Variants in GDAP1 observed in about 807,000 individuals in gnomAD.
GDAP1 encodes the protein ganglioside-induced differentiation-associated protein 1.
A neutral mutation model predicts 40.1 loss-of-function variants in GDAP1; 34 were observed. That is an observed-to-expected ratio of 0.85 (90% CI 0.64 to 1.13). GDAP1 has a LOEUF of 1.13. Among genes scored for constraint, GDAP1 ranks in the 50% most tolerant of loss-of-function variants. The pLI, the probability that GDAP1 is intolerant of heterozygous loss-of-function variation, is 0.00. For synonymous variants in GDAP1, 170 were observed against 157.4 expected (o/e 1.08, Z -0.60); for missense variants, 374 against 433.7 (o/e 0.86, Z 1.22).
At chr8:74,395,863 A>G (rs963197632) in intron 2 of GDAP1, among the ~76,000 whole-genome samples, 2 of 152,220 alleles carry the variant, frequency 1.3e-5, no homozygotes, top group Non-Finnish European at 2.9e-5. Context: ...TTACAGTAAG[A>G]TGGAAAAATG....
chr8:74,352,032 T>G (rs1808900717), intron 2 of GDAP1, among the ~76,000 whole-genome samples: 1 of 152,234 alleles, frequency 6.6e-6, no homozygotes, highest in African/African-American at 2.4e-5. Context: ...ATTTTATAAT[T>G]TCTTCAATAA....
At chr8:74,415,507 G>C (rs529188825) in intron 2 of GDAP1, among the ~76,000 whole-genome samples, 12 of 150,078 alleles carry the variant, frequency 8.0e-5, no homozygotes, top group Non-Finnish European at 2.9e-5. Flanking sequence ...GTGGTGGGCT[G>C]CCACCTACAT....
At chr8:74,458,030 C>T (rs913829775) in intron 2 of GDAP1, among the ~76,000 whole-genome samples, 29 of 151,934 alleles carry the variant, frequency 1.9e-4, no homozygotes, top group African/African-American at 6.5e-4. Context: ...AACTGTTCAC[C>T]GTCCCTAAAT....
chr8:74,366,423 A>G lies in GDAP1; in HGVS notation c.*2056A>G, dbSNP rs1563447608. ...TTCATCAGATTATTCTTCTGTTTTA[A>G]AAAAAAGCTTGAGGCAAATGTGAGT... is the stretch of plus-strand genomic sequence containing the variant. On this transcript the variant is annotated 3_prime_UTR_variant, in exon 6 of 6. Transcript: ENST00000220822. 1 of 454,468 alleles carries G rather than the reference A, an allele frequency of 2.2e-6. No homozygotes were observed. Among genetic ancestry groups the G allele is most frequent in the African/African-American group, 2.0e-5 (1 of 50,120 alleles). 28.2% of individuals were successfully genotyped at this position (454,468 alleles called of 1,614,324 possible).
chr8:74,402,214 G>T (rs1810356039), intron 2 of GDAP1, among the ~76,000 whole-genome samples: 1 of 150,482 alleles, frequency 6.6e-6, no homozygotes, highest in African/African-American at 2.5e-5. Flanking sequence ...CACCCAATTG[G>T]AGCTTCCCGG....
Position 74,364,613 on chromosome 8 carries a change from T to G in GDAP1, c.*246T>G, listed in dbSNP as rs1563445740. Reference sequence around the variant, plus strand: ...GATAAGAGAAGGAAAAATGAGAGAATGAAGTCTGTATAGGGTAGAGCAATA... The same window carrying G: ...GATAAGAGAAGGAAAAATGAGAGAAGGAAGTCTGTATAGGGTAGAGCAATA... On this transcript the variant is annotated 3_prime_UTR_variant, in exon 6 of 6. Transcript: ENST00000220822. The G allele has an allele frequency of 1.6e-6, 1 of 626,340 alleles. No homozygotes were observed. The highest frequency in any genetic ancestry group is 1.8e-5 in the African/African-American group (1 of 55,686). The allele number at this position is 626,340 out of a possible 1,614,324, so 38.8% of individuals were successfully genotyped here.
rs779164733 is a variant in GDAP1 at position 74,364,972 on chromosome 8, A to T, written c.*605A>T. ...AGTGATATTAAGATGATTCCTTACC[A>T]TTTCAGATGGTCCGCAATTTGAATT... On this transcript the variant is annotated 3_prime_UTR_variant, in exon 6 of 6. Coordinates refer to ENST00000220822, the MANE Select transcript of GDAP1 (RefSeq NM_018972.4). 1 of 453,970 alleles carries T rather than the reference A, an allele frequency of 2.2e-6. No individual in the cohort carries two copies. The highest frequency in any genetic ancestry group is 6.9e-5 in the East Asian group (1 of 14,404). The allele number at this position is 453,970 out of a possible 1,614,324, so 28.1% of individuals were successfully genotyped here. A position where few individuals can be genotyped will look rare whatever the true frequency, so the allele number is the denominator to read the frequency against.
intron 2 of GDAP1, 65 bp downstream of exon 2, chr8:74,351,531 C>A: frequency 8.8e-7 from 1 of 1,132,318 alleles, no homozygotes; most frequent in Non-Finnish European, 1.3e-6. Context: ...TTCCCTTTCT[C>A]TTTTTCTCTC....
chr8:74,472,325 TC>T (rs1406520146), intron 2 of GDAP1, among the ~76,000 whole-genome samples: 1 of 152,266 alleles, frequency 6.6e-6, no homozygotes, highest in Non-Finnish European at 1.5e-5. Flanking sequence ...ATTTTCTTTA[TC>T]CAATCTACCT....
intron 3 of GDAP1, among the ~76,000 whole-genome samples, chr8:74,361,554 G>A (rs1415434040): frequency 1.3e-5 from 2 of 152,006 alleles, no homozygotes; most frequent in Non-Finnish European, 2.9e-5. Flanking sequence ...GCGCCACCAC[G>A]CCCAGACAAT....
rs1265013911 is a variant in GDAP1, at chr8:74,364,660, C to T, written c.*293C>T. 1.9e-6 allele frequency: 1 copy of T among 525,570 alleles called. No individual in the cohort carries two copies. The highest frequency in any genetic ancestry group is 3.6e-6 in the Non-Finnish European group (1 of 274,220). The allele number at this position is 525,570 out of a possible 1,614,324, so 32.6% of individuals were successfully genotyped here. ...AATAGAAAGTAAGCTTCGGGTGCCT[C>T]CAACGTTCATGGCTGCCTGTCTCAT... On this transcript the variant is annotated 3_prime_UTR_variant, in exon 6 of 6. Transcript: ENST00000220822.
In GDAP1 at chr8:74,451,113, C is replaced by T. The variant is rs1806293689; in HGVS notation, c.166-37565C>T. Among the ~76,000 whole-genome samples the T allele has an allele frequency of 4.8e-5, 4 of 82,850 alleles. 2 individuals are homozygous for T. The highest frequency in any genetic ancestry group is 9.8e-5 in the Non-Finnish European group (4 of 41,020). 54.4% of individuals were successfully genotyped at this position (82,850 alleles called of 152,430 possible). ...ATATCTACATCTGTTACACACAAATCTTAAATGTTGTAAGTTTATGCAAAT... is the reference window on the plus strand; with the variant it reads ...ATATCTACATCTGTTACACACAAATTTTAAATGTTGTAAGTTTATGCAAAT... On this transcript the variant is annotated intron_variant, in intron 2 of 2. Transcript: ENST00000523640.
chr8:74,422,213 CTTCT>C (rs1446722083), intron 2 of GDAP1, among the ~76,000 whole-genome samples: 122 of 144,088 alleles, frequency 8.5e-4, no homozygotes, highest in African/African-American at 3.0e-3. Context: ...CTTTCTCTCT[CTTCT>C]TTCTTTCCCT....
In GDAP1 at chr8:74,365,054, C is replaced by T; in HGVS notation, c.*687C>T. 2.2e-6 allele frequency: 1 copy of T among 454,004 alleles called. No homozygotes were observed. The highest frequency in any genetic ancestry group is 4.4e-6 in the Non-Finnish European group (1 of 226,730). 28.1% of individuals were successfully genotyped at this position (454,004 alleles called of 1,614,324 possible). On this transcript the variant is annotated 3_prime_UTR_variant, in exon 6 of 6. Coordinates refer to ENST00000220822, the MANE Select transcript of GDAP1 (RefSeq NM_018972.4). ...ATGGTGCCTGTGAGATACCATTCCT[C>T]TGGATGGTCATGTCCAGTCAGTGGG...
At chr8:74,459,958 A>G (rs1181550154) in intron 2 of GDAP1, among the ~76,000 whole-genome samples, 3 of 152,232 alleles carry the variant, frequency 2.0e-5, no homozygotes, top group African/African-American at 7.2e-5. Flanking sequence ...CAATATGTGC[A>G]GGAGCTTTGT....
chr8:74,461,102 C>T (rs902965042), intron 2 of GDAP1, among the ~76,000 whole-genome samples: 6 of 152,168 alleles, frequency 3.9e-5, no homozygotes, highest in East Asian at 1.9e-4. Flanking sequence ...GGCCTTTGGG[C>T]GTTGCACCCT....
At chr8:74,398,485 C>T (rs1810251795) in intron 2 of GDAP1, among the ~76,000 whole-genome samples, 1 of 152,182 alleles carries the variant, frequency 6.6e-6, no homozygotes, top group South Asian at 2.1e-4. Flanking sequence ...ACAATCATGT[C>T]ATCTGCAAAC....
intron 2 of GDAP1, among the ~76,000 whole-genome samples, chr8:74,418,075 A>G (rs1468200448): frequency 1.3e-5 from 2 of 152,218 alleles, no homozygotes; most frequent in East Asian, 3.8e-4. Flanking sequence ...GTTTTCATGG[A>G]TTGGGAATCT....
chr8:74,369,144 A>C (rs559848865), downstream of GDAP1, among the ~76,000 whole-genome samples: 1 of 152,330 alleles, frequency 6.6e-6, no homozygotes, highest in South Asian at 2.1e-4. Context: ...CTAGCCAGTA[A>C]CTGCACTGCC....
Sources: gnomAD v4.1 joint callset for allele counts (sites outside exome capture counted in the v4.1 genomes callset) on GRCh38, gnomAD v4.1.1 for gene constraint, MANE v1.5 for transcripts, NCBI Gene and HGNC (gene_info 2026-07-23, HGNC 2026-07-21) for gene names.